TSEN15: variants seen among roughly 807,000 people sequenced by gnomAD.
TSEN15 encodes the protein tRNA splicing endonuclease subunit 15.
Under a neutral mutation model 20.5 loss-of-function variants are expected in TSEN15, and 10 were observed. The ratio of observed to expected loss-of-function variants is 0.49; its 90% CI spans 0.30 to 0.83. TSEN15 has a LOEUF of 0.83. TSEN15 is among the 40% of genes least tolerant of loss of function. The probability of loss-of-function intolerance (pLI) is 0.06; values close to 1 mark genes in which losing one functional copy is unlikely to be tolerated. For missense variants in TSEN15, 180 were observed against 218.6 expected (o/e 0.82, Z 1.11); for synonymous variants, 72 against 80.1 (o/e 0.90, Z 0.54).
chr1:184,087,680 G>A (rs1651286801), intron 3 of TSEN15, among the ~76,000 whole-genome samples: 1 of 152,184 alleles, frequency 6.6e-6, no homozygotes, highest in Non-Finnish European at 1.5e-5. Context: ...GAGAGGAGCC[G>A]ATGTATGAAA....
intron 2 of TSEN15, 128 bp downstream of exon 2, chr1:184,054,563 T>C (rs1650174165): frequency 8.5e-7 from 1 of 1,173,166 alleles, no homozygotes; most frequent in Non-Finnish European, 1.2e-6. Context: ...TTGCAATTTA[T>C]TTATTTACAT....
Position 184,051,883 on chromosome 1 carries a change from A to AC in TSEN15, c.131dup (p.Lys45Ter), listed in dbSNP as rs754526102. 1 of 1,549,858 alleles carries AC rather than the reference A, an allele frequency of 6.5e-7. No homozygotes were observed. The highest frequency in any genetic ancestry group is 8.7e-7 in the Non-Finnish European group (1 of 1,147,652). On this transcript the variant is annotated frameshift_variant, in exon 1 of 5. Coordinates refer to ENST00000645668, the MANE Select transcript of TSEN15 (RefSeq NM_052965.4). LOFTEE classifies it high-confidence loss of function. ...CCTGAGGACGCCTGGATGGGCACTC[A>AC]CCCTAAGGTCAGGAGGCGCGAGAGG... is the stretch of plus-strand genomic sequence containing the variant.
rs148797767 is a variant in TSEN15 at position 184,059,362 on chromosome 1, AAATG to A, written c.353+4519_353+4522del. ...GTCTAGTAATATTCCTTAAGGCAGC[AAATG>A]AATGAATGAATGAATGAATAAAATT... On this transcript the variant is annotated intron_variant, in intron 3 of 4. Coordinates refer to ENST00000645668, the MANE Select transcript of TSEN15 (RefSeq NM_052965.4). 3.1e-3 allele frequency among the ~76,000 whole-genome samples: 468 copies of A among 152,202 alleles called. 2 individuals carry two copies. Among genetic ancestry groups the A allele is most frequent in the African/African-American group, 7.3e-3 (305 of 41,520 alleles).
intron 3 of TSEN15, among the ~76,000 whole-genome samples, chr1:184,088,167 T>G (rs1651297206): frequency 6.6e-6 from 1 of 151,602 alleles, no homozygotes; most frequent in Admixed American, 6.6e-5. Flanking sequence ...TCTGCTTCCC[T>G]GGCCCAGAAT....
intron 3 of TSEN15, chr1:184,058,141 T>A (rs1224196027): frequency 9.3e-6 from 4 of 428,032 alleles, no homozygotes; most frequent in Non-Finnish European, 1.9e-5. Context: ...TTTCCATTGT[T>A]AATTTCTAGT....
chr1:184,069,474 C>A (rs1650807245), intron 3 of TSEN15, among the ~76,000 whole-genome samples: 1 of 152,006 alleles, frequency 6.6e-6, no homozygotes, highest in Non-Finnish European at 1.5e-5. Flanking sequence ...AAGAACTGAG[C>A]TATTAAAATT....
chr1:184,092,103 T>C (rs1651369238), intron 3 of TSEN15, among the ~76,000 whole-genome samples: 1 of 152,208 alleles, frequency 6.6e-6, no homozygotes. Flanking sequence ...GACAAGTCTT[T>C]ATCTCCAGGG....
chr1:184,083,210 C>A (rs1326150547), intron 3 of TSEN15, among the ~76,000 whole-genome samples: 4 of 152,114 alleles, frequency 2.6e-5, no homozygotes, highest in Non-Finnish European at 5.9e-5. Flanking sequence ...GGGCAAGGAC[C>A]AGCTGCTTTT....
Position 184,067,939 on chromosome 1 carries a change from AAAAT to A in TSEN15, c.354-4216_354-4213del, listed in dbSNP as rs1198373303. Among the ~76,000 whole-genome samples the A allele has an allele frequency of 7.7e-3, 866 of 113,180 alleles. 2 individuals carry two copies. Among genetic ancestry groups the A allele is most frequent in the African/African-American group, 0.021 (617 of 29,356 alleles). 74.3% of individuals were successfully genotyped at this position (113,180 alleles called of 152,430 possible). A position where few individuals can be genotyped will look rare whatever the true frequency, so the allele number is the denominator to read the frequency against. On this transcript the variant is annotated intron_variant, in intron 3 of 4. Transcript: ENST00000645668. ...CTCTCTCTCTCAAAAAAAAAAAAAA[AAAAT>A]ATATATATATATATATATATATATA...
rs192848558 is a variant in TSEN15 at position 184,080,926 on chromosome 1, C to T, written c.354-14764C>T. Among the ~76,000 whole-genome samples the T allele has an allele frequency of 1.3e-3, 196 of 152,260 alleles. 2 individuals carry two copies. The highest frequency in any genetic ancestry group is 2.7e-3 in the Admixed American group (41 of 15,296). On this transcript the variant is annotated intron_variant, in intron 3 of 3. Coordinates refer to the TSEN15 transcript ENST00000643231. ...TGTTTCTTAATCATGAATCAATAAT[C>T]CAATTTAATTTGACAAACATTTTGT...
chr1:184,056,697 A>G (rs1263176446), intron 3 of TSEN15, among the ~76,000 whole-genome samples: 1 of 152,132 alleles, frequency 6.6e-6, no homozygotes, highest in Non-Finnish European at 1.5e-5. Flanking sequence ...TACCATTGTC[A>G]TGTGGATAAC....
intron 3 of TSEN15, among the ~76,000 whole-genome samples, chr1:184,063,593 A>G (rs1650542070): frequency 6.6e-6 from 1 of 152,132 alleles, no homozygotes; most frequent in South Asian, 2.1e-4. Context: ...TTCCTCATAC[A>G]TTGAATCCGA....
At chr1:184,071,572 T>A (rs962129747) in intron 3 of TSEN15, among the ~76,000 whole-genome samples, 3 of 151,826 alleles carry the variant, frequency 2.0e-5, no homozygotes, top group African/African-American at 7.3e-5. Context: ...CTGAGAGAAA[T>A]TGTGATAAAC....
intron 3 of TSEN15, chr1:184,094,144 G>A (rs1276459081): frequency 6.6e-6 from 1 of 152,106 alleles, no homozygotes; most frequent in Non-Finnish European, 1.5e-5. Context: ...TATCATCTTG[G>A]AATGGTTTTT....
intron 3 of TSEN15, chr1:184,095,551 G>T: frequency 2.5e-6 from 1 of 394,106 alleles, no homozygotes; most frequent in Non-Finnish European, 4.5e-6. Context: ...TCATGAGAGT[G>T]GGGCCTTAAT....
chr1:184,052,979 G>T (rs1650110172), intron 1 of TSEN15, among the ~76,000 whole-genome samples: 2 of 152,036 alleles, frequency 1.3e-5, no homozygotes, highest in African/African-American at 4.8e-5. Flanking sequence ...TTACTTATAC[G>T]GTTGTTACAG....
intron 3 of TSEN15, chr1:184,095,298 C>T (rs1252052472): frequency 2.5e-6 from 1 of 394,210 alleles, no homozygotes; most frequent in East Asian, 3.6e-5. Context: ...GAAAGAGCAA[C>T]ACCGCTAACA....
In TSEN15 at chr1:184,072,774, T is replaced by A. The variant is rs891302887; in HGVS notation, c.496-53T>A. On this transcript the variant is annotated intron_variant, in intron 4 of 4. Coordinates refer to ENST00000645668, the MANE Select transcript of TSEN15 (RefSeq NM_052965.4). The stretch of plus-strand genomic sequence containing the variant: ...TTAAATATCTTTCTAATTTTGCTTT[T>A]GGATTACATTGTTTATCGGAGAAAA... The A allele has an allele frequency of 2.5e-5, 38 of 1,531,930 alleles. No individual in the cohort carries two copies. The East Asian group carries it at 8.4e-4, about 34-fold the overall frequency. 94.9% of individuals were successfully genotyped at this position (1,531,930 alleles called of 1,614,324 possible).
At chr1:184,082,687 T>G (rs769863780) in intron 3 of TSEN15, among the ~76,000 whole-genome samples, 1 of 152,168 alleles carries the variant, frequency 6.6e-6, no homozygotes, top group Middle Eastern at 3.2e-3. Context: ...TTGCTACTTT[T>G]TATCCCCAAC....
Sources: allele counts gnomAD v4.1 joint callset (sites outside exome capture counted in the v4.1 genomes callset), GRCh38; gene constraint gnomAD v4.1.1; transcripts MANE v1.5; gene names NCBI Gene and HGNC (gene_info 2026-07-23, HGNC 2026-07-21).